The following GNG12 variants were observed in gnomAD, a reference collection of about 807,000 sequenced individuals.
GNG12 encodes the protein G protein subunit gamma 12.
For synonymous variants in GNG12, 28 were observed against 29.7 expected (o/e 0.94, Z 0.19); for missense variants, 69 against 83.8 (o/e 0.82, Z 0.69).
chr1:67,789,994 C>T lies in GNG12; in HGVS notation c.-76-12487G>A, dbSNP rs1646792394. 2.0e-5 allele frequency among the ~76,000 whole-genome samples: 3 copies of T among 152,186 alleles called. No individual in the cohort carries two copies. The South Asian group carries it at 6.2e-4, about 32-fold the overall frequency. The stretch of plus-strand genomic sequence containing the variant: ...AATATGGATTAGCAAAGAAATTTTT[C>T]TGTCATCGAAAACCAAAGAAGTAAG... On this transcript the variant is annotated intron_variant, in intron 1 of 3. Transcript: ENST00000370982.
At chr1:67,795,988 A>G (rs776594438) in intron 1 of GNG12, among the ~76,000 whole-genome samples, 1 of 152,246 alleles carries the variant, frequency 6.6e-6, no homozygotes, top group Non-Finnish European at 1.5e-5. Flanking sequence ...TCAGAATTTA[A>G]TAATTGAAAA....
Position 67,725,912 on chromosome 1 carries a change from A to T in GNG12, c.-26-18200T>A, listed in dbSNP as rs114417580. On this transcript the variant is annotated intron_variant, in intron 2 of 3. Coordinates refer to ENST00000370982, the MANE Select transcript of GNG12 (RefSeq NM_018841.6). Reference sequence around the variant, plus strand: ...TTAACATATGTGGTTGAGTCAAACAAAACATGACGGAGCATCACTTACAAC... The same window carrying T: ...TTAACATATGTGGTTGAGTCAAACATAACATGACGGAGCATCACTTACAAC... Among the ~76,000 whole-genome samples, 1,482 of 152,346 alleles carry T rather than the reference A, an allele frequency of 9.7e-3. 31 individuals carry two copies. Among genetic ancestry groups the T allele is most frequent in the African/African-American group, 0.034 (1,404 of 41,580 alleles).
At chr1:67,798,133 T>C (rs776723972) in intron 1 of GNG12, among the ~76,000 whole-genome samples, 33 of 152,140 alleles carry the variant, frequency 2.2e-4, no homozygotes, top group Non-Finnish European at 4.6e-4. Flanking sequence ...CTCCCAGGCA[T>C]GGACTGGTCT....
At chr1:67,710,858 G>A (rs923216506) in intron 2 of GNG12, among the ~76,000 whole-genome samples, 1 of 152,162 alleles carries the variant, frequency 6.6e-6, no homozygotes, top group Non-Finnish European at 1.5e-5. Context: ...CAAAGTCCAT[G>A]CAACACATTT....
At position 67,705,264 on chromosome 1, in the gene GNG12, A is replaced by C. The variant is rs548359378; in HGVS notation, c.*187T>G. 1.3e-6 allele frequency: 1 copy of C among 793,984 alleles called. No homozygotes were observed. Among genetic ancestry groups the C allele is most frequent in the African/African-American group, 1.8e-5 (1 of 56,886 alleles). 49.2% of individuals were successfully genotyped at this position (793,984 alleles called of 1,614,324 possible). A position where few individuals can be genotyped will look rare whatever the true frequency, so the allele number is the denominator to read the frequency against. ...AAAATAAGATTGTTATTCTGTATTA[A>C]ATCAGTAAAGGGTATTTTAAGAGAA... On this transcript the variant is annotated 3_prime_UTR_variant, in exon 4 of 4. Transcript: ENST00000370982.
intron 2 of GNG12, among the ~76,000 whole-genome samples, chr1:67,749,128 T>C (rs1646524253): frequency 1.3e-5 from 2 of 152,336 alleles, no homozygotes; most frequent in African/African-American, 2.4e-5. Flanking sequence ...CAGACATTAC[T>C]TATAGTAACC....
intron 1 of GNG12, among the ~76,000 whole-genome samples, chr1:67,814,465 A>G (rs1004350953): frequency 2.6e-5 from 4 of 152,246 alleles, no homozygotes; most frequent in African/African-American, 9.6e-5. Flanking sequence ...GTGGGTCACA[A>G]TAATAAAAAG....
At chr1:67,759,988 G>A (rs554355) in intron 2 of GNG12, among the ~76,000 whole-genome samples, 57,733 of 152,152 alleles carry the variant, frequency 0.38, 14,521 homozygotes, top group African/African-American at 0.72. Context: ...GCTTTGTAAA[G>A]CAGGGAGCAA....
At chr1:67,724,975 G>A (rs2100692573) in intron 2 of GNG12, among the ~76,000 whole-genome samples, 1 of 152,268 alleles carries the variant, frequency 6.6e-6, no homozygotes, top group East Asian at 1.9e-4. Context: ...TGTCATGAAA[G>A]AATGGAAGAC....
chr1:67,813,077 C>T (rs1366164076), intron 1 of GNG12, among the ~76,000 whole-genome samples: 1 of 152,154 alleles, frequency 6.6e-6, no homozygotes, highest in Non-Finnish European at 1.5e-5. Context: ...TAATTCTGTC[C>T]CCAAAGCTCC....
chr1:67,783,245 T>C (rs1646747306), intron 1 of GNG12, among the ~76,000 whole-genome samples: 1 of 152,210 alleles, frequency 6.6e-6, no homozygotes, highest in Non-Finnish European at 1.5e-5. Flanking sequence ...AATCCCCTAA[T>C]GCTGGATAGT....
chr1:67,740,834 G>A (rs1190339260), intron 2 of GNG12, among the ~76,000 whole-genome samples: 3 of 152,118 alleles, frequency 2.0e-5, no homozygotes, highest in East Asian at 1.9e-4. Context: ...ACCAGACATC[G>A]AATCTGCTAG....
At chr1:67,821,254 TA>T (rs1646983154) in intron 1 of GNG12, among the ~76,000 whole-genome samples, 1 of 152,122 alleles carries the variant, frequency 6.6e-6, no homozygotes, top group African/African-American at 2.4e-5. Flanking sequence ...GAGTACCCTA[TA>T]GGTGGGCCCG....
intron 1 of GNG12, among the ~76,000 whole-genome samples, chr1:67,833,051 CGGGCGGCCGCCCGTCGA>C (rs1647059472): frequency 6.6e-6 from 1 of 151,850 alleles, no homozygotes; most frequent in Non-Finnish European, 1.5e-5. Context: ...CCCGCAACCT[CGGGCGGCCGCCCGTCGA>C]GGGCGCGCGC....
At chr1:67,707,467 C>T (rs1192872468) in intron 3 of GNG12, 127 bp downstream of exon 3, 9 of 692,814 alleles carry the variant, frequency 1.3e-5, no homozygotes, top group Non-Finnish European at 2.3e-5. Flanking sequence ...AGACTCTCAG[C>T]CTGTTCTGGA....
intron 2 of GNG12, among the ~76,000 whole-genome samples, chr1:67,712,448 TG>T (rs1353212478): frequency 1.3e-5 from 2 of 152,310 alleles, no homozygotes; most frequent in East Asian, 3.9e-4. Context: ...CCCAACACTT[TG>T]GGAGGCCAAG....
chr1:67,804,665 T>C (rs1277897331), intron 1 of GNG12, among the ~76,000 whole-genome samples: 3 of 151,940 alleles, frequency 2.0e-5, no homozygotes, highest in African/African-American at 2.4e-5. Flanking sequence ...GTTGGAGAGA[T>C]AGGCAGGTAG....
chr1:67,740,156 G>A (rs370277236), intron 2 of GNG12, among the ~76,000 whole-genome samples: 2 of 152,134 alleles, frequency 1.3e-5, no homozygotes, highest in African/African-American at 4.8e-5. Context: ...AGTTTTACCC[G>A]TGCTACTCAC....
At chr1:67,714,109 T>C (rs1646311437) in intron 2 of GNG12, among the ~76,000 whole-genome samples, 2 of 152,356 alleles carry the variant, frequency 1.3e-5, no homozygotes, top group South Asian at 2.1e-4. Context: ...CCATTGTGTG[T>C]GTGTGTTTTA....
Sources: gnomAD v4.1 joint callset for allele counts (sites outside exome capture counted in the v4.1 genomes callset) on GRCh38, gnomAD v4.1.1 for gene constraint, MANE v1.5 for transcripts, NCBI Gene and HGNC (gene_info 2026-07-23, HGNC 2026-07-21) for gene names.